STXBP5L: variants seen among roughly 807,000 people sequenced by gnomAD.
STXBP5L encodes syntaxin binding protein 5L.
Under a neutral mutation model 144.5 loss-of-function variants are expected in STXBP5L, and 65 were observed. The observed-to-expected ratio is 0.45, with a 90% CI of 0.37 to 0.55. STXBP5L has a LOEUF of 0.55. STXBP5L is among the 20% of genes least tolerant of loss of function. STXBP5L has a pLI of 0.00. For synonymous variants in STXBP5L, 505 were observed against 469.6 expected, an observed-to-expected ratio of 1.08 and a Z score of -0.97; for missense variants, 1,298 against 1,405.5, an observed-to-expected ratio of 0.92 and a Z score of 1.22.
At chr3:121,161,937 A>T (rs2046336626) in intron 9 of STXBP5L, among the ~76,000 whole-genome samples, 1 of 152,164 alleles carries the variant, frequency 6.6e-6, no homozygotes, top group South Asian at 2.1e-4. Flanking sequence ...TATGATATTT[A>T]AAAATTTAGA....
At chr3:120,917,473 A>C (rs1177196935) in intron 2 of STXBP5L, among the ~76,000 whole-genome samples, 1 of 152,150 alleles carries the variant, frequency 6.6e-6, no homozygotes, top group African/African-American at 2.4e-5. Context: ...AATCCACAGA[A>C]AAGCAATTGA....
intron 3 of STXBP5L, among the ~76,000 whole-genome samples, chr3:121,020,626 A>C (rs1388912886): frequency 6.6e-6 from 1 of 152,160 alleles, no homozygotes; most frequent in East Asian, 1.9e-4. Context: ...TAAACAAAAC[A>C]ATTATCAGGC....
At chr3:121,302,381 G>A (rs1362121932) in intron 19 of STXBP5L, among the ~76,000 whole-genome samples, 1 of 152,102 alleles carries the variant, frequency 6.6e-6, no homozygotes, top group African/African-American at 2.4e-5. Context: ...TGTGGGATTG[G>A]TGGTGATATC....
chr3:121,210,648 T>C (rs2048525783), intron 10 of STXBP5L, among the ~76,000 whole-genome samples: 1 of 152,240 alleles, frequency 6.6e-6, no homozygotes, highest in Non-Finnish European at 1.5e-5. Flanking sequence ...TTTCTACATA[T>C]GGCTAGCCAG....
chr3:121,074,464 G>A (rs1045522790), intron 5 of STXBP5L, among the ~76,000 whole-genome samples: 2 of 152,108 alleles, frequency 1.3e-5, no homozygotes, highest in Non-Finnish European at 1.5e-5. Flanking sequence ...CAGTCTATAT[G>A]CTTTGTAATC....
intron 18 of STXBP5L, among the ~76,000 whole-genome samples, chr3:121,269,122 A>G (rs2050661824): frequency 6.6e-6 from 1 of 152,120 alleles, no homozygotes; most frequent in African/African-American, 2.4e-5. Flanking sequence ...GTATCTGGAC[A>G]TTAGACATTA....
At chr3:121,361,248 T>C (rs1014213874) in intron 20 of STXBP5L, among the ~76,000 whole-genome samples, 39 of 152,300 alleles carry the variant, frequency 2.6e-4, no homozygotes, top group African/African-American at 8.4e-4. Flanking sequence ...GGGAGTTTGA[T>C]TATTAAATGC....
At chr3:120,990,586 C>T (rs1484677540) in intron 3 of STXBP5L, among the ~76,000 whole-genome samples, 5 of 151,910 alleles carry the variant, frequency 3.3e-5, no homozygotes, top group African/African-American at 9.7e-5. Context: ...ACCAAAACAG[C>T]ATGGTACTGG....
intron 2 of STXBP5L, among the ~76,000 whole-genome samples, chr3:120,950,119 G>A (rs1304505140): frequency 2.6e-5 from 4 of 151,906 alleles, no homozygotes; most frequent in African/African-American, 9.7e-5. Flanking sequence ...GATTTAAACA[G>A]ATTTCTTTAT....
intron 2 of STXBP5L, among the ~76,000 whole-genome samples, chr3:120,926,356 C>CTTTTTTTTTTTTTTTTT (rs35029446): frequency 1.4e-5 from 2 of 139,740 alleles, no homozygotes; most frequent in Non-Finnish European, 3.1e-5. Context: ...GATGGCAGTT[C>CTTTTTTTTTTTTTTTTT]TTTTTTTTTT....
chr3:121,049,223 T>G (rs550872683), intron 5 of STXBP5L, among the ~76,000 whole-genome samples: 1 of 152,076 alleles, frequency 6.6e-6, no homozygotes, highest in Non-Finnish European at 1.5e-5. Context: ...CCCTAATCAC[T>G]GTGTACCCTC....
intron 20 of STXBP5L, among the ~76,000 whole-genome samples, chr3:121,352,496 C>T (rs1043421669): frequency 4.0e-5 from 6 of 151,866 alleles, no homozygotes; most frequent in Non-Finnish European, 5.9e-5. Flanking sequence ...TCTGTTATTG[C>T]TGTATAGGAA....
At chr3:121,401,886 G>A (rs1412956684) in intron 22 of STXBP5L, among the ~76,000 whole-genome samples, 1 of 67,438 alleles carries the variant, frequency 1.5e-5, no homozygotes, top group East Asian at 5.6e-4. Context: ...CTAAAACTTA[G>A]AGTATAATAA....
chr3:120,993,483 G>A (rs778380830), intron 3 of STXBP5L, among the ~76,000 whole-genome samples: 18 of 151,928 alleles, frequency 1.2e-4, no homozygotes, highest in East Asian at 5.8e-4. Flanking sequence ...TGAGTTTTGC[G>A]TATTCTGAGA....
intron 7 of STXBP5L, among the ~76,000 whole-genome samples, chr3:121,134,542 C>T (rs948767170): frequency 6.6e-6 from 1 of 152,006 alleles, no homozygotes; most frequent in African/African-American, 2.4e-5. Context: ...TCTCCTAATG[C>T]TTTCCCTCCC....
chr3:121,004,215 T>C (rs1350409175), intron 3 of STXBP5L, among the ~76,000 whole-genome samples: 1 of 152,128 alleles, frequency 6.6e-6, no homozygotes, highest in Non-Finnish European at 1.5e-5. Flanking sequence ...TTGTATCCTC[T>C]TTTATTTCAT....
intron 11 of STXBP5L, among the ~76,000 whole-genome samples, chr3:121,232,800 G>GAA (rs2049349471): frequency 1.3e-5 from 2 of 152,168 alleles, no homozygotes; most frequent in Non-Finnish European, 2.9e-5. Flanking sequence ...GATTGAGGAA[G>GAA]GTTTTATAGT....
At chr3:120,926,090 A>C (rs1425632212) in intron 2 of STXBP5L, among the ~76,000 whole-genome samples, 1 of 152,166 alleles carries the variant, frequency 6.6e-6, no homozygotes, top group Non-Finnish European at 1.5e-5. Flanking sequence ...TTATAGGTGG[A>C]TTGCACACTA....
chr3:121,343,035 C>T (rs1338093447), intron 20 of STXBP5L, among the ~76,000 whole-genome samples: 11 of 151,994 alleles, frequency 7.2e-5, no homozygotes, highest in Non-Finnish European at 1.3e-4. Flanking sequence ...TAATGATTGT[C>T]ATTCTAACTG....
Sources: gnomAD v4.1 joint callset for allele counts (sites outside exome capture counted in the v4.1 genomes callset) on GRCh38, gnomAD v4.1.1 for gene constraint, MANE v1.5 for transcripts, NCBI Gene and HGNC (gene_info 2026-07-23, HGNC 2026-07-21) for gene names.